The following NCBP1 variants were observed in gnomAD, a reference collection of about 807,000 sequenced individuals.
NCBP1 encodes the protein nuclear cap binding protein subunit 1.
Under a neutral mutation model 111.7 loss-of-function variants are expected in NCBP1, and 16 were observed. The observed-to-expected ratio is 0.14, with a 90% CI of 0.10 to 0.22. NCBP1 has a LOEUF of 0.22. NCBP1 is among the 10% of genes least tolerant of loss of function. NCBP1 has a pLI of 1.00. For synonymous variants in NCBP1, 304 were observed against 314.3 expected (o/e 0.97, Z 0.35); for missense variants, 607 against 957.5 (o/e 0.63, Z 4.83).
Position 97,658,682 on chromosome 9 carries a change from C to A in NCBP1, c.1416C>A (p.Thr472=). ...GTATATTAGATATTGTTCCTCCTACCTTCTCAGCTCTGTGTCCTGCAAACC... is the reference window on the plus strand; with the variant it reads ...GTATATTAGATATTGTTCCTCCTACATTCTCAGCTCTGTGTCCTGCAAACC... ...HQRILDIVPP[T]FSALCPANPT... The change falls in exon 15 of 23, where the codon ACC becomes ACA. Residue 472 remains threonine, a synonymous_variant. Coordinates refer to ENST00000375147, the MANE Select transcript of NCBP1 (RefSeq NM_002486.5). The A allele has an allele frequency of 1.2e-6, 2 of 1,613,474 alleles. No homozygotes were observed. Among genetic ancestry groups the A allele is most frequent in the Non-Finnish European group, 8.5e-7 (1 of 1,179,538 alleles).
chr9:97,634,057 T>C (rs1402984853), intron 1 of NCBP1, 142 bp downstream of exon 1: 6 of 1,089,872 alleles, frequency 5.5e-6, no homozygotes, highest in Non-Finnish European at 7.5e-6. Context: ...GAGAATATGG[T>C]GGCGGTGTGG....
Position 97,666,889 on chromosome 9 carries a change from G to T in NCBP1, c.2016+12G>T, listed in dbSNP as rs779266453. 6.5e-7 allele frequency: 1 copy of T among 1,538,498 alleles called. No individual in the cohort carries two copies. Among genetic ancestry groups the T allele is most frequent in the African/African-American group, 1.4e-5 (1 of 72,040 alleles). On this transcript the variant is annotated intron_variant, in intron 20 of 22. Transcript: ENST00000375147. ...GGCAACACAAACGGGTAAGTTTTGTGTAAACTTGTAAGTAGTTAAAGAAAA... is the reference window on the plus strand; with the variant it reads ...GGCAACACAAACGGGTAAGTTTTGTTTAAACTTGTAAGTAGTTAAAGAAAA...
chr9:97,634,117 C>G (rs182147493), intron 1 of NCBP1, among the ~76,000 whole-genome samples: 39 of 152,342 alleles, frequency 2.6e-4, no homozygotes, highest in African/African-American at 8.4e-4. Flanking sequence ...TTCTTTGAGT[C>G]AAGGGCCGAT....
In NCBP1 at chr9:97,655,782, T is replaced by G; in HGVS notation, c.1298+18T>G. The G allele has an allele frequency of 1.3e-6, 2 of 1,599,604 alleles. No individual in the cohort carries two copies. Among genetic ancestry groups the G allele is most frequent in the Non-Finnish European group, 1.7e-6 (2 of 1,174,006 alleles). On this transcript the variant is annotated intron_variant, in intron 13 of 22. Transcript: ENST00000375147. Reference sequence around the variant, plus strand: ...GAAGATTGGTAAGTGATGGTTTGTTTTATCTTTTTCTGTAGTCAAAAAACT... The same window carrying G: ...GAAGATTGGTAAGTGATGGTTTGTTGTATCTTTTTCTGTAGTCAAAAAACT...
At chr9:97,670,967 T>C (rs1828172502) in intron 22 of NCBP1, 119 bp from the exon 23 acceptor site, 1 of 584,442 alleles carries the variant, frequency 1.7e-6, no homozygotes, top group Admixed American at 3.5e-5. Flanking sequence ...ATCAGCACTT[T>C]TTTTTCCCCT....
chr9:97,647,633 C>G (rs1296505187), intron 7 of NCBP1, 72 bp downstream of exon 7: 2 of 1,269,172 alleles, frequency 1.6e-6, no homozygotes, highest in Non-Finnish European at 2.3e-6. Context: ...CTGTAAGATA[C>G]TCAGACCATT....
chr9:97,638,134 A>AG (rs1434470587), intron 1 of NCBP1, among the ~76,000 whole-genome samples: 3 of 152,122 alleles, frequency 2.0e-5, no homozygotes, highest in African/African-American at 7.2e-5. Flanking sequence ...TCCCTTACCC[A>AG]GGTTGTCTTA....
At chr9:97,670,071 C>G (rs896457336) in intron 22 of NCBP1, 3 of 344,040 alleles carry the variant, frequency 8.7e-6, no homozygotes, top group African/African-American at 4.3e-5. Context: ...TACAGGCACC[C>G]GTCACTACTC....
In NCBP1 at chr9:97,633,849, G is replaced by C. The variant is rs774838596; in HGVS notation, c.-33G>C. On this transcript the variant is annotated 5_prime_UTR_variant, in exon 1 of 23. Coordinates refer to ENST00000375147, the MANE Select transcript of NCBP1 (RefSeq NM_002486.5). ...CAGTTCCTGCAGCGCTTACCGCCTGGCCTCTCGGTTCCGCGGCGCACCGGA... is the reference window on the plus strand; with the variant it reads ...CAGTTCCTGCAGCGCTTACCGCCTGCCCTCTCGGTTCCGCGGCGCACCGGA... The C allele has an allele frequency of 4.1e-5, 65 of 1,571,164 alleles. No homozygotes were observed. The highest frequency in any genetic ancestry group is 5.5e-5 in the Non-Finnish European group (64 of 1,165,522).
At chr9:97,660,107 C>T (rs1320836385) in intron 15 of NCBP1, among the ~76,000 whole-genome samples, 1 of 152,188 alleles carries the variant, frequency 6.6e-6, no homozygotes, top group African/African-American at 2.4e-5. Context: ...GGTTCCCCAG[C>T]TAGAATGTAG....
In NCBP1 at chr9:97,655,609, G is replaced by A. The variant is rs903840210; in HGVS notation, c.1236-93G>A. The A allele has an allele frequency of 2.3e-5, 22 of 947,356 alleles. 1 individual carries two copies. The highest frequency in any genetic ancestry group is 3.5e-5 in the South Asian group (2 of 57,700). 58.7% of individuals were successfully genotyped at this position (947,356 alleles called of 1,614,324 possible). On this transcript the variant is annotated intron_variant, in intron 12 of 22. Transcript: ENST00000375147. ...TGCTTTTCATTAACTCTGTAAAGTC[G>A]GGTTTTATCTGTTTGAAGGCTTATA...
At chr9:97,649,629 A>G (rs1226789100) in intron 8 of NCBP1, among the ~76,000 whole-genome samples, 1 of 152,198 alleles carries the variant, frequency 6.6e-6, no homozygotes, top group Admixed American at 6.5e-5. Flanking sequence ...TCTTTGCTAT[A>G]TTCCATATGT....
chr9:97,658,653 C>T lies in NCBP1; in HGVS notation c.1387C>T (p.Gln463Ter). ...LEKCMRLSYH[Q>*]RILDIVPPTF... ...TTTGTATTGTAGGTTGTCTTACCAT[C>T]AGCGTATATTAGATATTGTTCCTCC... Residue 463 changes from glutamine to a stop codon, truncating the protein, a stop_gained, in exon 15 of 23, where the codon CAG becomes TAG. Transcript: ENST00000375147. LOFTEE classifies it high-confidence loss of function. 1.2e-6 allele frequency: 2 copies of T among 1,610,524 alleles called. No individual in the cohort carries two copies. The highest frequency in any genetic ancestry group is 1.7e-6 in the Non-Finnish European group (2 of 1,176,992).
chr9:97,656,692 T>C (rs1038670831), intron 14 of NCBP1, among the ~76,000 whole-genome samples: 6 of 152,356 alleles, frequency 3.9e-5, no homozygotes, highest in Middle Eastern at 3.4e-3. Context: ...GCTCTCATGC[T>C]CACTCCCTTT....
chr9:97,653,321 G>T (rs1458482698), intron 10 of NCBP1, among the ~76,000 whole-genome samples: 1 of 151,828 alleles, frequency 6.6e-6, no homozygotes, highest in Non-Finnish European at 1.5e-5. Flanking sequence ...GAGTTTCACC[G>T]TGTTGGCCAG....
At chr9:97,645,522 C>A in intron 5 of NCBP1, 89 bp from the exon 6 acceptor site, 2 of 1,353,526 alleles carry the variant, frequency 1.5e-6, no homozygotes, top group South Asian at 1.3e-5. Context: ...TATTAAATAG[C>A]TTCCATAGGA....
intron 20 of NCBP1, 130 bp from the exon 21 acceptor site, chr9:97,668,716 G>GT: frequency 5.0e-6 from 3 of 597,446 alleles, no homozygotes; most frequent in Non-Finnish European, 7.2e-6. Context: ...GTGGCGGGGT[G>GT]GGGGGGTACT....
intron 17 of NCBP1, 90 bp downstream of exon 17, chr9:97,662,234 A>G: frequency 1.0e-6 from 1 of 966,666 alleles, no homozygotes; most frequent in Non-Finnish European, 1.6e-6. Context: ...AGATTGTTGA[A>G]TATGAAGATC....
At chr9:97,643,090 G>C (rs1374573957) in intron 3 of NCBP1, 114 bp from the exon 4 acceptor site, 12 of 1,066,664 alleles carry the variant, frequency 1.1e-5, no homozygotes, top group Non-Finnish European at 1.6e-5. Context: ...TAAAGACATA[G>C]CTAAAAGTAA....
Sources: allele counts gnomAD v4.1 joint callset (sites outside exome capture counted in the v4.1 genomes callset), GRCh38; gene constraint gnomAD v4.1.1; transcripts MANE v1.5; gene names NCBI Gene and HGNC (gene_info 2026-07-23, HGNC 2026-07-21).